Variants in USO1 observed in about 807,000 individuals in gnomAD.
USO1 encodes the protein USO1 vesicle transport factor, also known as general vesicular transport factor p115.
Under a neutral mutation model 124.5 loss-of-function variants are expected in USO1, and 57 were observed. The ratio of observed to expected loss-of-function variants is 0.46; its 90% CI spans 0.37 to 0.57. The LOEUF is 0.57. Among genes scored for constraint, USO1 ranks in the 20% least tolerant of loss-of-function variants. The probability of loss-of-function intolerance (pLI) is 0.00; values close to 1 mark genes in which losing one functional copy is unlikely to be tolerated. For synonymous variants in USO1, 369 were observed against 362.8 expected (o/e 1.02, Z -0.19); for missense variants, 900 against 1,040.6 (o/e 0.86, Z 1.86).
intron 17 of USO1, 71 bp from the exon 18 acceptor site, chr4:75,804,063 T>TA: frequency 6.6e-7 from 1 of 1,521,678 alleles, no homozygotes; most frequent in Non-Finnish European, 8.8e-7. Flanking sequence ...CTCTAATTTT[T>TA]AAAATGTGTT....
intron 1 of USO1, among the ~76,000 whole-genome samples, chr4:75,746,839 G>T (rs1014416970): frequency 6.6e-6 from 1 of 152,044 alleles, no homozygotes. Context: ...TTAGTACCTC[G>T]CTCAGTAGCA....
chr4:75,760,201 G>T (rs1721564689), intron 4 of USO1, among the ~76,000 whole-genome samples: 2 of 152,198 alleles, frequency 1.3e-5, no homozygotes, highest in South Asian at 4.1e-4. Context: ...GACAGAGGGA[G>T]ACTCTGTCTC....
At chr4:75,770,398 CCTA>C in intron 4 of USO1, 38 bp from the exon 5 acceptor site, 1 of 1,473,764 alleles carries the variant, frequency 6.8e-7, no homozygotes, top group Non-Finnish European at 9.1e-7. Flanking sequence ...TTTAAAATAA[CCTA>C]CTATTAAATT....
At chr4:75,761,930 T>G (rs1721618887) in intron 4 of USO1, among the ~76,000 whole-genome samples, 1 of 152,196 alleles carries the variant, frequency 6.6e-6, no homozygotes, top group African/African-American at 2.4e-5. Context: ...CAGAGCATTG[T>G]GCCTTGACTC....
rs1560462680 is a variant in USO1 at position 75,806,574 on chromosome 4, T to G, written c.2376+2T>G. 6 of 1,552,610 alleles carry G rather than the reference T, an allele frequency of 3.9e-6. No individual in the cohort carries two copies. Among genetic ancestry groups the G allele is most frequent in the Non-Finnish European group, 4.4e-6 (5 of 1,147,534 alleles). ...GAACAAGTTGCAGAATTAAAACAGG[T>G]AATTTTCCACTTTGATCCAATTCTA... On this transcript the variant is annotated splice_donor_variant, in intron 20 of 23. Transcript: ENST00000514213. LOFTEE classifies it high-confidence loss of function.
At chr4:75,727,521 C>T (rs1167476954) in intron 1 of USO1, among the ~76,000 whole-genome samples, 2 of 152,102 alleles carry the variant, frequency 1.3e-5, no homozygotes, top group South Asian at 2.1e-4. Flanking sequence ...TTCACTATTT[C>T]GTTCCACCAG....
chr4:75,730,986 A>G (rs1188978806), intron 1 of USO1, among the ~76,000 whole-genome samples: 3 of 152,150 alleles, frequency 2.0e-5, no homozygotes, highest in Non-Finnish European at 2.9e-5. Flanking sequence ...TTTGGTAGAC[A>G]TGTTTCATTA....
chr4:75,793,609 G>T (rs918482126), intron 12 of USO1, 81 bp from the exon 13 acceptor site: 1 of 1,499,044 alleles, frequency 6.7e-7, no homozygotes, highest in Admixed American at 2.1e-5. Context: ...ACTATTTTAT[G>T]TGTACAGAAA....
chr4:75,769,738 ATCTT>A, intron 4 of USO1, among the ~76,000 whole-genome samples: 1 of 119,000 alleles, frequency 8.4e-6, no homozygotes, highest in East Asian at 3.3e-4. Context: ...ATTTTTAGTG[ATCTT>A]TTTTTTTTTT....
At chr4:75,732,929 T>C (rs1720678349) in intron 1 of USO1, among the ~76,000 whole-genome samples, 1 of 139,968 alleles carries the variant, frequency 7.1e-6, no homozygotes, top group Admixed American at 7.2e-5. Flanking sequence ...GTTTTAGGAA[T>C]GTTTTAAGCT....
intron 19 of USO1, among the ~76,000 whole-genome samples, chr4:75,806,035 A>G (rs1345805655): frequency 1.3e-5 from 2 of 152,076 alleles, no homozygotes; most frequent in African/African-American, 4.8e-5. Flanking sequence ...CTGTTAGCCC[A>G]GTCTGGAGCG....
In USO1 at chr4:75,744,683, G is replaced by A. The variant is rs533874626; in HGVS notation, c.67-7690G>A. On this transcript the variant is annotated intron_variant, in intron 1 of 23. Coordinates refer to ENST00000514213, the MANE Select transcript of USO1 (RefSeq NM_003715.4). ...GATCTGCCTGCCTTGGCCTCCCAAA[G>A]TGCTGGGATTAGAGGCGTAAGCCAC... is the stretch of plus-strand genomic sequence containing the variant. Among the ~76,000 whole-genome samples, 8 of 152,354 alleles carry A rather than the reference G, an allele frequency of 5.3e-5. No individual in the cohort carries two copies. In the South Asian group the frequency reaches 1.7e-3, roughly 32 times the overall value.
intron 17 of USO1, among the ~76,000 whole-genome samples, chr4:75,803,519 G>A (rs1422665136): frequency 6.6e-6 from 1 of 151,398 alleles, no homozygotes; most frequent in Non-Finnish European, 1.5e-5. Flanking sequence ...GCATGGCAGC[G>A]GGCGCCTGTA....
chr4:75,800,848 A>T, intron 16 of USO1, 49 bp downstream of exon 16: 1 of 1,561,380 alleles, frequency 6.4e-7, no homozygotes, highest in Non-Finnish European at 8.7e-7. Context: ...AATTATATTT[A>T]TATTGTACAT....
intron 1 of USO1, among the ~76,000 whole-genome samples, chr4:75,741,701 CT>C (rs1720966779): frequency 6.8e-6 from 1 of 147,886 alleles, no homozygotes. Context: ...GCCTCCCAAG[CT>C]CAAGTAATTC....
chr4:75,741,900 T>A (rs1279326425), intron 1 of USO1, among the ~76,000 whole-genome samples: 4 of 152,116 alleles, frequency 2.6e-5, no homozygotes, highest in Admixed American at 2.6e-4. Flanking sequence ...CGGCCACTTT[T>A]TTGTTAAAAA....
rs1474579652 is a variant in USO1, at chr4:75,814,165, A to G, written c.*870A>G. 2 of 152,224 alleles carry G rather than the reference A, an allele frequency of 1.3e-5. No individual in the cohort carries two copies. The highest frequency in any genetic ancestry group is 4.8e-5 in the African/African-American group (2 of 41,468). The allele number at this position is 152,224 out of a possible 1,614,324, so 9.4% of individuals were successfully genotyped here. A position where few individuals can be genotyped will look rare whatever the true frequency, so the allele number is the denominator to read the frequency against. On this transcript the variant is annotated 3_prime_UTR_variant, in exon 24 of 24. Transcript: ENST00000514213. The stretch of plus-strand genomic sequence containing the variant: ...AGATTTTAAAAAAGCAAATGAGGCA[A>G]TGTGTCAAAATTTAATGTTTCATAA...
At chr4:75,804,054 T>G in intron 17 of USO1, 80 bp from the exon 18 acceptor site, 10 of 1,505,410 alleles carry the variant, frequency 6.6e-6, no homozygotes, top group Non-Finnish European at 8.9e-6. Context: ...CAAAATGACC[T>G]CTAATTTTTA....
Position 75,790,682 on chromosome 4 carries a change from A to C in USO1, c.1125A>C (p.Glu375Asp). The C allele has an allele frequency of 6.2e-7, 1 of 1,612,236 alleles. No homozygotes were observed. Among genetic ancestry groups the C allele is most frequent in the Non-Finnish European group, 8.5e-7 (1 of 1,179,380 alleles). ...IVVLLMSMVN[E>D]RQPFVLRCAV... ...TACTTCTCATGTCCATGGTTAATGA[A>C]AGGCAGCCATTTGTTTTGCGCTGTG... Residue 375 changes from glutamate (E) to aspartate (D), a missense_variant, in exon 12 of 24, where the codon GAA (glutamate) becomes GAC (aspartate). Around this residue, in one of 2 missense-constraint regions of USO1, gnomAD observed 538 missense variants for 681.6 expected, o/e 0.79. Transcript: ENST00000514213.
Sources: gnomAD v4.1 joint callset for allele counts (sites outside exome capture counted in the v4.1 genomes callset) on GRCh38, gnomAD v4.1.1 for gene constraint, gnomAD v4.1.1 regional missense constraint, MANE v1.5 for transcripts, NCBI Gene and HGNC (gene_info 2026-07-23, HGNC 2026-07-21) for gene names.